The following EDIL3 variants were observed in gnomAD, a reference collection of about 807,000 sequenced individuals.
EDIL3 encodes the protein EGF like and discoidin domains 3.
EDIL3 carries 37 observed loss-of-function variants against 67.4 expected under a neutral mutation model. That is an observed-to-expected ratio of 0.55 (90% CI 0.42 to 0.72). The LOEUF is 0.72. Ranked by LOEUF, EDIL3 falls within the 30% of genes least tolerant of loss-of-function variation. The probability of loss-of-function intolerance (pLI) is 0.00; values close to 1 mark genes in which losing one functional copy is unlikely to be tolerated. For synonymous variants in EDIL3, 195 were observed against 196.3 expected, an observed-to-expected ratio of 0.99 and a Z score of 0.05; for missense variants, 527 against 586.3, an observed-to-expected ratio of 0.90 and a Z score of 1.04.
chr5:84,291,236 T>C (rs547429098), intron 1 of EDIL3, among the ~76,000 whole-genome samples: 2 of 152,242 alleles, frequency 1.3e-5, no homozygotes, highest in Admixed American at 1.3e-4. Flanking sequence ...CCTTACTAAA[T>C]TGATTTTCAT....
At chr5:84,222,871 G>A (rs942393900) in intron 3 of EDIL3, among the ~76,000 whole-genome samples, 1 of 151,528 alleles carries the variant, frequency 6.6e-6, no homozygotes, top group Non-Finnish European at 1.5e-5. Flanking sequence ...TATATATTTC[G>A]GATATTAATC....
chr5:84,340,530 C>CTATATATATA (rs1352790553), intron 1 of EDIL3, among the ~76,000 whole-genome samples: 1 of 69,812 alleles, frequency 1.4e-5, no homozygotes, highest in South Asian at 6.1e-4. Flanking sequence ...CTCTCTCTCT[C>CTATATATATA]TCTCTATATA....
chr5:84,338,052 A>C (rs139264409), intron 1 of EDIL3, among the ~76,000 whole-genome samples: 1,942 of 152,304 alleles, frequency 0.013, 49 homozygotes, highest in African/African-American at 0.045. Flanking sequence ...TTGGGCATAA[A>C]AATACACCTA....
At chr5:83,976,334 A>G (rs952817383) in intron 9 of EDIL3, among the ~76,000 whole-genome samples, 3 of 151,830 alleles carry the variant, frequency 2.0e-5, no homozygotes, top group African/African-American at 2.4e-5. Flanking sequence ...CTGAAATAAC[A>G]CTTTTTTTCT....
At chr5:84,126,607 T>C (rs1436486424) in intron 5 of EDIL3, among the ~76,000 whole-genome samples, 1 of 152,116 alleles carries the variant, frequency 6.6e-6, no homozygotes, top group Non-Finnish European at 1.5e-5. Context: ...TATCTGTGAT[T>C]TCTATTAGTG....
At chr5:84,155,372 C>A (rs1748472241) in intron 4 of EDIL3, among the ~76,000 whole-genome samples, 1 of 152,134 alleles carries the variant, frequency 6.6e-6, no homozygotes. Flanking sequence ...TTTGAGTTAA[C>A]CTGTTACATC....
At chr5:84,353,543 G>A (rs1044104836) in intron 1 of EDIL3, among the ~76,000 whole-genome samples, 6 of 152,086 alleles carry the variant, frequency 3.9e-5, no homozygotes, top group African/African-American at 9.7e-5. Context: ...TATCTTGAAC[G>A]AAAAACTGAA....
At chr5:84,128,638 G>A (rs1747909373) in intron 5 of EDIL3, among the ~76,000 whole-genome samples, 1 of 152,074 alleles carries the variant, frequency 6.6e-6, no homozygotes, top group Admixed American at 6.6e-5. Context: ...GAGGGTTGGA[G>A]TGATAGCTGA....
chr5:84,079,317 G>A (rs773652788), intron 6 of EDIL3, among the ~76,000 whole-genome samples: 2 of 152,142 alleles, frequency 1.3e-5, no homozygotes, highest in Admixed American at 1.3e-4. Flanking sequence ...TGAGGGTGTA[G>A]TGGGAACCCC....
intron 1 of EDIL3, 65 bp downstream of exon 1, chr5:84,384,243 C>A: frequency 6.4e-7 from 1 of 1,552,624 alleles, no homozygotes; most frequent in Non-Finnish European, 8.7e-7. Context: ...CGGCCCCCTG[C>A]GCGGCGTTTC....
chr5:84,056,792 T>C (rs1034137902), intron 9 of EDIL3, among the ~76,000 whole-genome samples: 2 of 152,118 alleles, frequency 1.3e-5, no homozygotes, highest in African/African-American at 4.8e-5. Flanking sequence ...AACTGATGCA[T>C]TTTAGTTAAA....
intron 1 of EDIL3, among the ~76,000 whole-genome samples, chr5:84,282,968 T>C (rs1001287186): frequency 4.6e-5 from 7 of 152,180 alleles, no homozygotes; most frequent in Admixed American, 2.6e-4. Context: ...ATCATTCGAT[T>C]TGTTCTTGAA....
At chr5:84,334,535 T>C (rs930367170) in intron 1 of EDIL3, among the ~76,000 whole-genome samples, 2 of 152,214 alleles carry the variant, frequency 1.3e-5, no homozygotes, top group African/African-American at 4.8e-5. Flanking sequence ...TGTTTGGCTT[T>C]CCATTTCTTA....
intron 3 of EDIL3, among the ~76,000 whole-genome samples, chr5:84,204,611 C>T (rs1743918377): frequency 6.6e-6 from 1 of 151,930 alleles, no homozygotes; most frequent in African/African-American, 2.4e-5. Flanking sequence ...ATACAACCTG[C>T]CCATCCCTTC....
At chr5:84,300,181 T>A (rs904955020) in intron 1 of EDIL3, among the ~76,000 whole-genome samples, 3 of 152,218 alleles carry the variant, frequency 2.0e-5, no homozygotes, top group East Asian at 3.9e-4. Context: ...TGCCTTTCCA[T>A]CTTCTAGAGG....
intron 3 of EDIL3, among the ~76,000 whole-genome samples, chr5:84,192,093 A>G (rs375853991): frequency 6.6e-6 from 1 of 152,012 alleles, no homozygotes; most frequent in African/African-American, 2.4e-5. Context: ...GATTAATTGA[A>G]GTATTTTATT....
At chr5:83,967,185 G>C (rs181475156) in intron 9 of EDIL3, among the ~76,000 whole-genome samples, 2 of 152,168 alleles carry the variant, frequency 1.3e-5, no homozygotes, top group Admixed American at 6.5e-5. Flanking sequence ...GCTGGGTGTG[G>C]TGGCATACAC....
chr5:84,331,839 C>G (rs1324118551), intron 1 of EDIL3, among the ~76,000 whole-genome samples: 2 of 152,218 alleles, frequency 1.3e-5, no homozygotes, highest in East Asian at 3.9e-4. Flanking sequence ...CAGAACAAAA[C>G]CAACATAATC....
chr5:84,120,308 A>C (rs1747753459), intron 5 of EDIL3, among the ~76,000 whole-genome samples: 1 of 151,942 alleles, frequency 6.6e-6, no homozygotes, highest in South Asian at 2.1e-4. Flanking sequence ...AAAATCTCTA[A>C]AGAGCTGAGT....
Sources: allele counts gnomAD v4.1 joint callset (sites outside exome capture counted in the v4.1 genomes callset), GRCh38; gene constraint gnomAD v4.1.1; transcripts MANE v1.5; gene names NCBI Gene and HGNC (gene_info 2026-07-23, HGNC 2026-07-21).